RBMS2: variants seen among roughly 807,000 people sequenced by gnomAD.
The protein encoded by RBMS2 is RNA-binding motif, single-stranded-interacting protein 2.
A neutral mutation model predicts 58.4 loss-of-function variants in RBMS2; 38 were observed. The ratio of observed to expected loss-of-function variants is 0.65; its 90% CI spans 0.50 to 0.85. RBMS2 has a LOEUF of 0.85. RBMS2 is among the 40% of genes least tolerant of loss of function. The pLI is 0.00. For synonymous variants in RBMS2, 151 were observed against 180.7 expected, an observed-to-expected ratio of 0.84 and a Z score of 1.32; for missense variants, 367 against 503.7, an observed-to-expected ratio of 0.73 and a Z score of 2.60.
At chr12:56,537,617 C>G (rs1875154004) in intron 1 of RBMS2, among the ~76,000 whole-genome samples, 1 of 152,198 alleles carries the variant, frequency 6.6e-6, no homozygotes, top group South Asian at 2.1e-4. Flanking sequence ...TGGGTTGCTT[C>G]TGCCTTTTGG....
Position 56,589,322 on chromosome 12 carries a change from A to G in RBMS2, c.*189A>G, listed in dbSNP as rs1885129826. ...AATCTCTACGTTCCTGCCCTTTACTATTGCTGATGGAGCCTGGGGGAACCA... is the reference window on the plus strand; with the variant it reads ...AATCTCTACGTTCCTGCCCTTTACTGTTGCTGATGGAGCCTGGGGGAACCA... On this transcript the variant is annotated 3_prime_UTR_variant, in exon 14 of 14. Coordinates refer to ENST00000262031, the MANE Select transcript of RBMS2 (RefSeq NM_002898.4). 37 of 1,302,890 alleles carry G rather than the reference A, an allele frequency of 2.8e-5. 1 individual carries two copies. The South Asian group carries it at 4.9e-4, about 17-fold the overall frequency. The allele number at this position is 1,302,890 out of a possible 1,614,324, so 80.7% of individuals were successfully genotyped here.
chr12:56,543,484 CA>C (rs1285200975), intron 1 of RBMS2, among the ~76,000 whole-genome samples: 120 of 123,236 alleles, frequency 9.7e-4, no homozygotes, highest in Non-Finnish European at 1.4e-3. Flanking sequence ...GACTCTGTCT[CA>C]AAAAAAAAAA....
intron 1 of RBMS2, among the ~76,000 whole-genome samples, chr12:56,550,732 C>T (rs990744443): frequency 8.6e-5 from 13 of 151,760 alleles, no homozygotes; most frequent in African/African-American, 2.4e-4. Flanking sequence ...ATCCCAGCTA[C>T]TTAGGAGGCT....
At chr12:56,521,506 T>TTTTTTTTTTTG (rs1871722940), upstream of RBMS2, among the ~76,000 whole-genome samples, 1 of 143,066 alleles carries the variant, frequency 7.0e-6, no homozygotes, top group African/African-American at 2.7e-5. Context: ...AACTCTGTTT[T>TTTTTTTTTTTG]TTTTTTTTTT....
upstream of RBMS2, among the ~76,000 whole-genome samples, chr12:56,520,932 C>T (rs1871659670): frequency 6.6e-6 from 1 of 152,176 alleles, no homozygotes; most frequent in African/African-American, 2.4e-5. Context: ...CACCAAGTTT[C>T]ATGATATAGT....
Position 56,562,598 on chromosome 12 carries a change from A to G in RBMS2, c.233+15A>G. 6.2e-7 allele frequency: 1 copy of G among 1,608,976 alleles called. No homozygotes were observed. Among genetic ancestry groups the G allele is most frequent in the South Asian group, 1.1e-5 (1 of 90,944 alleles). ...CTGTGTCAGCCGTAAGTTGGAGTAC[A>G]TGTGCGTAGGCTTCCAGGGACAGTA... On this transcript the variant is annotated intron_variant, in intron 2 of 13. Coordinates refer to ENST00000262031, the MANE Select transcript of RBMS2 (RefSeq NM_002898.4).
intron 1 of RBMS2, among the ~76,000 whole-genome samples, chr12:56,531,434 T>G (rs192399643): frequency 4.3e-4 from 66 of 152,168 alleles, no homozygotes; most frequent in African/African-American, 1.4e-3. Flanking sequence ...AGTAATTATT[T>G]ATTGATTGAT....
intron 5 of RBMS2, among the ~76,000 whole-genome samples, chr12:56,579,598 C>T (rs1883623281): frequency 6.7e-6 from 1 of 149,082 alleles, no homozygotes; most frequent in Admixed American, 6.7e-5. Context: ...CGCGCCACTG[C>T]ACTCCAGCCT....
chr12:56,540,469 G>A (rs185550582), intron 1 of RBMS2, among the ~76,000 whole-genome samples: 195 of 152,212 alleles, frequency 1.3e-3, no homozygotes, highest in African/African-American at 3.7e-3. Context: ...AAACACCTGA[G>A]CTCAGGTGAT....
chr12:56,522,672 G>A (rs1262998686), intron 1 of RBMS2, among the ~76,000 whole-genome samples: 2 of 152,166 alleles, frequency 1.3e-5, no homozygotes, highest in Non-Finnish European at 2.9e-5. Flanking sequence ...GGCACAGAGC[G>A]CTGTGATACT....
intron 1 of RBMS2, among the ~76,000 whole-genome samples, chr12:56,560,188 C>T (rs2136404533): frequency 6.6e-6 from 1 of 151,812 alleles, no homozygotes; most frequent in East Asian, 2.0e-4. Context: ...AGCCACCGTA[C>T]CCGGCCATAG....
intron 12 of RBMS2, 131 bp from the exon 13 acceptor site, chr12:56,588,801 C>T (rs995298100): frequency 2.5e-6 from 2 of 800,348 alleles, no homozygotes; most frequent in Admixed American, 3.9e-5. Flanking sequence ...GGTGGAAACA[C>T]TCACACATGA....
intron 1 of RBMS2, among the ~76,000 whole-genome samples, chr12:56,545,168 G>A (rs976190567): frequency 2.6e-5 from 4 of 152,154 alleles, no homozygotes; most frequent in South Asian, 4.2e-4. Context: ...TATAACATGC[G>A]GTTTTCCATT....
chr12:56,534,657 T>G (rs1253335239), intron 1 of RBMS2, among the ~76,000 whole-genome samples: 1 of 152,174 alleles, frequency 6.6e-6, no homozygotes, highest in Non-Finnish European at 1.5e-5. Context: ...TTATTTATTT[T>G]TTATGATGGA....
intron 1 of RBMS2, among the ~76,000 whole-genome samples, chr12:56,554,897 TTTTATGTATGCACTATAA>T (rs1210201424): frequency 6.6e-6 from 1 of 152,170 alleles, no homozygotes; most frequent in East Asian, 1.9e-4. Flanking sequence ...ATGGTACTCC[TTTTATGTATGCACTATAA>T]TTTATGTAAC....
At chr12:56,577,875 G>A (rs1026547877) in intron 5 of RBMS2, among the ~76,000 whole-genome samples, 2 of 152,084 alleles carry the variant, frequency 1.3e-5, no homozygotes, top group Non-Finnish European at 2.9e-5. Context: ...TAGAGACTGG[G>A]TTTTACCATG....
chr12:56,533,509 G>A (rs567596603), intron 1 of RBMS2, among the ~76,000 whole-genome samples: 1 of 134,726 alleles, frequency 7.4e-6, no homozygotes, highest in Non-Finnish European at 1.5e-5. Context: ...TCCACCTCCC[G>A]GGTTCAGGCA....
intron 1 of RBMS2, among the ~76,000 whole-genome samples, chr12:56,526,447 G>A (rs1177939886): frequency 6.6e-6 from 1 of 151,930 alleles, no homozygotes; most frequent in Non-Finnish European, 1.5e-5. Context: ...CTCTTTATTG[G>A]CTGGTGGTAA....
At chr12:56,547,678 C>T (rs1329030982) in intron 1 of RBMS2, among the ~76,000 whole-genome samples, 7 of 126,078 alleles carry the variant, frequency 5.6e-5, no homozygotes, top group Non-Finnish European at 6.7e-5. Context: ...GAGACAGTTT[C>T]GCTCTTGTTG....
Sources: gnomAD v4.1 joint callset for allele counts (sites outside exome capture counted in the v4.1 genomes callset) on GRCh38, gnomAD v4.1.1 for gene constraint, MANE v1.5 for transcripts, NCBI Gene and HGNC (gene_info 2026-07-23, HGNC 2026-07-21) for gene names.